The following PTPRN2 variants were observed in gnomAD, a reference collection of about 807,000 sequenced individuals.
The protein encoded by PTPRN2 is receptor-type tyrosine-protein phosphatase N2.
In PTPRN2, 74 loss-of-function variants were observed where a neutral mutation model predicts 118.8. The ratio of observed to expected loss-of-function variants is 0.62; its 90% CI spans 0.52 to 0.76. The LOEUF is 0.76. Ranked by LOEUF, PTPRN2 falls within the 30% of genes least tolerant of loss-of-function variation. The pLI is 0.00. For synonymous variants in PTPRN2, 641 were observed against 608.0 expected (o/e 1.05, Z -0.80); for missense variants, 1,481 against 1,394.4 (o/e 1.06, Z -0.99).
chr7:158,222,293 T>C (rs981077510), intron 3 of PTPRN2, among the ~76,000 whole-genome samples: 4 of 152,186 alleles, frequency 2.6e-5, no homozygotes, highest in African/African-American at 9.7e-5. Context: ...ATCACGGTAT[T>C]ATTCACAATA....
At chr7:158,562,786 G>A (rs966890303) in intron 1 of PTPRN2, among the ~76,000 whole-genome samples, 11 of 152,140 alleles carry the variant, frequency 7.2e-5, no homozygotes, top group Non-Finnish European at 1.2e-4. Flanking sequence ...GCCTTGCCAC[G>A]TCAGGATCAA....
rs576475137 is a variant in PTPRN2, at chr7:157,831,817, G to A, written c.1788+66856C>T. Among the ~76,000 whole-genome samples, 7 of 152,320 alleles carry A rather than the reference G, an allele frequency of 4.6e-5. No individual in the cohort carries two copies. In the South Asian group the frequency reaches 6.2e-4, roughly 14 times the overall value. On this transcript the variant is annotated intron_variant, in intron 12 of 22. Transcript: ENST00000389418. The surrounding 1 kb of genome is among the most constrained non-coding windows in gnomAD (Gnocchi z 4.8). ...TGGCCACGTTAGACCCTCACGAGAC[G>A]TCCCACGAATGGAACCCTAGGCCAT...
intron 2 of PTPRN2, among the ~76,000 whole-genome samples, chr7:158,411,871 G>A (rs528981395): frequency 7.9e-4 from 121 of 152,206 alleles, no homozygotes; most frequent in African/African-American, 2.4e-3. Context: ...TTAGGCTGCC[G>A]TGAGGGTGAA....
intron 3 of PTPRN2, among the ~76,000 whole-genome samples, chr7:158,267,386 T>C (rs1231100621): frequency 6.6e-6 from 1 of 152,126 alleles, no homozygotes; most frequent in Non-Finnish European, 1.5e-5. Flanking sequence ...GCTCTCTCCA[T>C]CTGGAGCCGC....
At chr7:158,094,392 C>A (rs1250279414) in intron 10 of PTPRN2, among the ~76,000 whole-genome samples, 1 of 152,192 alleles carries the variant, frequency 6.6e-6, no homozygotes, top group East Asian at 1.9e-4. Flanking sequence ...TCACTGCAAC[C>A]TCTGACTCCC....
intron 17 of PTPRN2, among the ~76,000 whole-genome samples, chr7:157,592,477 A>C (rs1394415285): frequency 6.6e-6 from 1 of 151,920 alleles, no homozygotes; most frequent in East Asian, 2.0e-4. Flanking sequence ...TGGAGGGTGG[A>C]TGTGGCACCT....
At chr7:158,441,384 G>GAT (rs1332252157) in intron 2 of PTPRN2, among the ~76,000 whole-genome samples, 5 of 149,926 alleles carry the variant, frequency 3.3e-5, no homozygotes, top group African/African-American at 1.3e-4. Context: ...CAGTGGTGGT[G>GAT]GTGGTGATAA....
chr7:158,358,841 A>G (rs1808596955), intron 2 of PTPRN2, among the ~76,000 whole-genome samples: 1 of 152,226 alleles, frequency 6.6e-6, no homozygotes, highest in African/African-American at 2.4e-5. Flanking sequence ...TGGAATAGAA[A>G]GTTGGCAGGT....
intron 11 of PTPRN2, among the ~76,000 whole-genome samples, chr7:157,947,459 G>T (rs902366279): frequency 2.0e-5 from 3 of 152,170 alleles, no homozygotes; most frequent in East Asian, 3.8e-4. Flanking sequence ...CTACAGGATT[G>T]GTGGCCTAAG....
intron 11 of PTPRN2, among the ~76,000 whole-genome samples, chr7:158,052,282 G>C (rs1420222738): frequency 6.6e-6 from 1 of 152,210 alleles, no homozygotes; most frequent in Non-Finnish European, 1.5e-5. Flanking sequence ...TTGTTGATTG[G>C]TTTCCGACTT....
chr7:158,461,730 AG>A (rs1563322506), intron 2 of PTPRN2, among the ~76,000 whole-genome samples: 1 of 152,356 alleles, frequency 6.6e-6, no homozygotes, highest in East Asian at 1.9e-4. Flanking sequence ...CCTGCTGTAG[AG>A]GCTGACTGCA....
chr7:158,565,949 C>T lies in PTPRN2; in HGVS notation c.112+21609G>A, dbSNP rs559532527. Among the ~76,000 whole-genome samples, 10 of 152,326 alleles carry T rather than the reference C, an allele frequency of 6.6e-5. No homozygotes were observed. The South Asian group carries it at 2.1e-3, about 32-fold the overall frequency. ...AAATATTTAGGACACCTATATTTTCCTTTGTGTCAGCCATTTCTCTCCCTT... is the reference window on the plus strand; with the variant it reads ...AAATATTTAGGACACCTATATTTTCTTTTGTGTCAGCCATTTCTCTCCCTT... On this transcript the variant is annotated intron_variant, in intron 1 of 22. Transcript: ENST00000389418. This position sits in a 1 kb window ranked among gnomAD's most constrained non-coding sequence, Gnocchi z 4.6.
chr7:158,057,637 G>A (rs1809895269), intron 11 of PTPRN2, among the ~76,000 whole-genome samples: 1 of 152,164 alleles, frequency 6.6e-6, no homozygotes, highest in Admixed American at 6.5e-5. Flanking sequence ...AGGGAAGTGG[G>A]TGCATGGAGG....
intron 11 of PTPRN2, among the ~76,000 whole-genome samples, chr7:157,904,436 C>T (rs897721136): frequency 2.6e-5 from 4 of 152,190 alleles, no homozygotes; most frequent in African/African-American, 9.7e-5. Context: ...CTGTGCTGGG[C>T]ACTGACATCC....
At chr7:158,388,873 C>T (rs915656140) in intron 2 of PTPRN2, among the ~76,000 whole-genome samples, 10 of 152,328 alleles carry the variant, frequency 6.6e-5, no homozygotes, top group Admixed American at 5.9e-4. Flanking sequence ...CAAATACATA[C>T]GTTATTATTA....
At chr7:158,330,779 C>G (rs1434150794) in intron 2 of PTPRN2, among the ~76,000 whole-genome samples, 10 of 113,404 alleles carry the variant, frequency 8.8e-5, no homozygotes, top group South Asian at 3.5e-4. Flanking sequence ...CACCCGCAGA[C>G]GTCACTCACA....
intron 2 of PTPRN2, among the ~76,000 whole-genome samples, chr7:158,387,392 T>C (rs114132022): frequency 0.041 from 6,194 of 152,292 alleles, 430 homozygotes; most frequent in African/African-American, 0.14. Flanking sequence ...CTGCCTTCGC[T>C]GGGGTCTCCG....
At chr7:157,599,955 ATCTCCACCTGCCTACC>A (rs1563249883) in intron 16 of PTPRN2, among the ~76,000 whole-genome samples, 25 of 56,434 alleles carry the variant, frequency 4.4e-4, no homozygotes, top group African/African-American at 1.2e-3. Context: ...ACCTGCCCAC[ATCTCCACCTGCCTACC>A]TCTCCACCTG....
chr7:158,466,971 G>T (rs1385788953), intron 2 of PTPRN2, among the ~76,000 whole-genome samples: 1 of 152,232 alleles, frequency 6.6e-6, no homozygotes, highest in Non-Finnish European at 1.5e-5. Context: ...AACCCAGGAG[G>T]CAGAGGTTGC....
Sources: gnomAD v4.1 joint callset for allele counts (sites outside exome capture counted in the v4.1 genomes callset) on GRCh38, gnomAD v4.1.1 for gene constraint, Gnocchi (gnomAD v3.1) non-coding constraint, MANE v1.5 for transcripts, NCBI Gene and HGNC (gene_info 2026-07-23, HGNC 2026-07-21) for gene names.